The following FXYD6 variants were observed in gnomAD, a reference collection of about 807,000 sequenced individuals.
The protein encoded by FXYD6 is FXYD domain-containing ion transport regulator 6.
Under a neutral mutation model 16.7 loss-of-function variants are expected in FXYD6, and 7 were observed. That is an observed-to-expected ratio of 0.42 (90% CI 0.24 to 0.79). The LOEUF (loss-of-function observed/expected upper bound fraction) is 0.79, where lower values mean the gene tolerates loss of function less well. FXYD6 is among the 30% of genes least tolerant of loss of function. The probability of loss-of-function intolerance (pLI) is 0.28; values close to 1 mark genes in which losing one functional copy is unlikely to be tolerated. For synonymous variants in FXYD6, 49 were observed against 43.0 expected, an observed-to-expected ratio of 1.14 and a Z score of -0.54; for missense variants, 111 against 116.2, an observed-to-expected ratio of 0.95 and a Z score of 0.21.
rs564982120 is a variant in FXYD6 at position 117,870,902 on chromosome 11, T to G, written c.-6+5690A>C. Among the ~76,000 whole-genome samples the G allele has an allele frequency of 3.8e-3, 586 of 152,334 alleles. 4 individuals are homozygous for G. The highest frequency in any genetic ancestry group is 0.013 in the African/African-American group (558 of 41,568). ...CTGGCCATCTCTGGATCCCTGGCAC[T>G]GAGCACAGCAGCTGCTCAATAAATG... On this transcript the variant is annotated intron_variant, in intron 1 of 7. Coordinates refer to ENST00000526014, the MANE Select transcript of FXYD6 (RefSeq NM_022003.4). The surrounding 1 kb of genome is among the most constrained non-coding windows in gnomAD (Gnocchi z 4.2).
In FXYD6 at chr11:117,870,930, G is replaced by C. The variant is rs1381233443; in HGVS notation, c.-6+5662C>G. ...GCACAGCAGCTGCTCAATAAATGTTGATGTGTGAATGAAAGGACGCTTCAG... is the reference window on the plus strand; with the variant it reads ...GCACAGCAGCTGCTCAATAAATGTTCATGTGTGAATGAAAGGACGCTTCAG... On this transcript the variant is annotated intron_variant, in intron 1 of 7. Transcript: ENST00000526014. The surrounding 1 kb of genome is among the most constrained non-coding windows in gnomAD (Gnocchi z 4.2). Among the ~76,000 whole-genome samples, 1 of 152,280 alleles carries C rather than the reference G, an allele frequency of 6.6e-6. No homozygotes were observed. Among genetic ancestry groups the C allele is most frequent in the East Asian group, 1.9e-4 (1 of 5,182 alleles).
At position 117,854,103 on chromosome 11, in the gene FXYD6, G is replaced by A. The variant is rs575323023; in HGVS notation, c.-5-11322C>T. Among the ~76,000 whole-genome samples, 6 of 152,254 alleles carry A rather than the reference G, an allele frequency of 3.9e-5. 1 individual carries two copies. The highest frequency in any genetic ancestry group is 1.2e-4 in the African/African-American group (5 of 41,538). On this transcript the variant is annotated intron_variant, in intron 1 of 7. Transcript: ENST00000526014. ...AGTTTACTGCTGCTTCCTAGCCCAA[G>A]TCCCATCTCCAAATTACACCTGCTC...
chr11:117,868,920 T>C (rs1407871448), intron 1 of FXYD6: 1 of 152,238 alleles, frequency 6.6e-6, no homozygotes, highest in East Asian at 1.9e-4. Context: ...TTGATGAATC[T>C]GTAACAGGAG....
intron 1 of FXYD6, among the ~76,000 whole-genome samples, chr11:117,845,292 G>C (rs2056445117): frequency 6.6e-6 from 1 of 152,122 alleles, no homozygotes; most frequent in Admixed American, 6.5e-5. Context: ...AATGTTTTCA[G>C]GGTTCATCTA....
chr11:117,841,829 G>A lies in FXYD6; in HGVS notation c.134C>T (p.Ala45Val), dbSNP rs1227494699. ...QTLRIGGLVF[A>V]VVLFSVGILL... ...GATCCCAACCGAGAAGAGGACCACA[G>A]CGAACACCAGTCCCCCAATCCTCAG... Residue 45 changes from alanine (A) to valine (V), a missense_variant, in exon 4 of 8, where the codon GCT becomes GTT. Physicochemically the swap from Ala to Val is moderately conservative, Grantham distance 64. Coordinates refer to ENST00000526014, the MANE Select transcript of FXYD6 (RefSeq NM_022003.4). 1.2e-6 allele frequency: 2 copies of A among 1,613,840 alleles called. No homozygotes were observed. Among genetic ancestry groups the A allele is most frequent in the East Asian group, 2.2e-5 (1 of 44,880 alleles).
intron 1 of FXYD6, among the ~76,000 whole-genome samples, chr11:117,860,059 C>CT (rs2056870425): frequency 6.6e-6 from 1 of 152,140 alleles, no homozygotes; most frequent in Non-Finnish European, 1.5e-5. Context: ...GGGAAAGAAA[C>CT]TGAGGTAGGG....
chr11:117,871,442 G>C (rs1468901358), intron 1 of FXYD6, among the ~76,000 whole-genome samples: 1 of 151,874 alleles, frequency 6.6e-6, no homozygotes, highest in African/African-American at 2.4e-5. Context: ...ATTGAGAGGC[G>C]GTGCAGTGGA....
intron 1 of FXYD6, among the ~76,000 whole-genome samples, chr11:117,869,426 GC>G (rs754650277): frequency 2.0e-5 from 3 of 152,160 alleles, no homozygotes; most frequent in Non-Finnish European, 4.4e-5. Flanking sequence ...CTCGAATGCT[GC>G]CCCTCCAACC....
At chr11:117,855,515 C>T (rs1591571342) in intron 1 of FXYD6, among the ~76,000 whole-genome samples, 1 of 152,176 alleles carries the variant, frequency 6.6e-6, no homozygotes, top group Non-Finnish European at 1.5e-5. Context: ...TATACCACCC[C>T]TCTGCACCTC....
In FXYD6 at chr11:117,838,067, A is replaced by G. The variant is rs2056240598; in HGVS notation, c.*232T>C. The G allele has an allele frequency of 3.0e-6, 2 of 660,416 alleles. No homozygotes were observed. Among genetic ancestry groups the G allele is most frequent in the Non-Finnish European group, 5.5e-6 (2 of 363,462 alleles). The allele number at this position is 660,416 out of a possible 1,614,324, so 40.9% of individuals were successfully genotyped here. On this transcript the variant is annotated 3_prime_UTR_variant, in exon 8 of 8. Transcript: ENST00000526014. ...CACACACACACACACACACACACAC[A>G]TCACGGGAGGTGGGCAGGACCGCAG... is the stretch of plus-strand genomic sequence containing the variant.
intron 5 of FXYD6, 81 bp from the exon 6 acceptor site, chr11:117,840,449 C>A: frequency 1.3e-6 from 2 of 1,589,500 alleles, no homozygotes; most frequent in East Asian, 4.5e-5. Context: ...CTCACTGGGG[C>A]ACAGCTGCCT....
At chr11:117,843,200 G>T (rs995246669) in intron 1 of FXYD6, among the ~76,000 whole-genome samples, 3 of 152,204 alleles carry the variant, frequency 2.0e-5, no homozygotes, top group Non-Finnish European at 4.4e-5. Flanking sequence ...CTCCCAAAGG[G>T]CTGGGATTAT....
chr11:117,839,959 G>C (rs2056300815), intron 6 of FXYD6, 129 bp from the exon 7 acceptor site: 1 of 1,221,478 alleles, frequency 8.2e-7, no homozygotes, highest in Non-Finnish European at 1.2e-6. Context: ...TTTCGAGTCA[G>C]AACGATCTGG....
intron 1 of FXYD6, among the ~76,000 whole-genome samples, chr11:117,854,267 G>A (rs1044588082): frequency 1.1e-4 from 16 of 152,178 alleles, no homozygotes; most frequent in Middle Eastern, 3.2e-3. Context: ...AATGGACCAG[G>A]CTTCCCACAG....
intron 7 of FXYD6, 74 bp downstream of exon 7, chr11:117,839,707 G>A (rs1042242372): frequency 1.7e-5 from 27 of 1,583,648 alleles, no homozygotes; most frequent in African/African-American, 1.2e-4. Context: ...CATCCTTCCC[G>A]CCTGAACCCC....
intron 1 of FXYD6, among the ~76,000 whole-genome samples, chr11:117,858,671 CTT>C (rs1217171042): frequency 8.9e-4 from 75 of 84,640 alleles, no homozygotes; most frequent in African/African-American, 4.0e-3. Context: ...TTCTTTCTTT[CTT>C]TCTTTCTTTC....
At chr11:117,853,808 G>GT (rs2056663187) in intron 1 of FXYD6, among the ~76,000 whole-genome samples, 1 of 152,118 alleles carries the variant, frequency 6.6e-6, no homozygotes. Context: ...ATCTCATGGG[G>GT]TTTTTGTTTT....
intron 1 of FXYD6, among the ~76,000 whole-genome samples, chr11:117,868,124 T>C (rs1358582172): frequency 6.6e-6 from 1 of 152,190 alleles, no homozygotes; most frequent in African/African-American, 2.4e-5. Context: ...CTCGCTTCAT[T>C]AAGATTCTCC....
At chr11:117,869,276 C>G (rs2057080803) in intron 1 of FXYD6, 1 of 152,284 alleles carries the variant, frequency 6.6e-6, no homozygotes, top group Non-Finnish European at 1.5e-5. Context: ...GCAGACACTG[C>G]TGAATTTCCC....
Sources: gnomAD v4.1 joint callset for allele counts (sites outside exome capture counted in the v4.1 genomes callset) on GRCh38, gnomAD v4.1.1 for gene constraint, Gnocchi (gnomAD v3.1) non-coding constraint, MANE v1.5 for transcripts, NCBI Gene and HGNC (gene_info 2026-07-23, HGNC 2026-07-21) for gene names.